The following NXN variants were observed in gnomAD, a reference collection of about 807,000 sequenced individuals.
The protein encoded by NXN is nucleoredoxin.
A neutral mutation model predicts 48.6 loss-of-function variants in NXN; 16 were observed. The observed-to-expected ratio is 0.33, with a 90% CI of 0.22 to 0.50. The LOEUF (loss-of-function observed/expected upper bound fraction) is 0.50. NXN is among the 20% of genes least tolerant of loss of function. The probability of loss-of-function intolerance (pLI) is 0.98; values close to 1 mark genes in which losing one functional copy is unlikely to be tolerated. For synonymous variants in NXN, 281 were observed against 269.6 expected (o/e 1.04, Z -0.41); for missense variants, 492 against 605.5 (o/e 0.81, Z 1.97).
rs16955987 is a variant in NXN at position 830,590 on chromosome 17, C to G, written c.361-4512G>C. On this transcript the variant is annotated intron_variant, in intron 1 of 7. Transcript: ENST00000336868. This position sits in a 1 kb window ranked among gnomAD's most constrained non-coding sequence, Gnocchi z 4.2. ...GAGTAGATGAGAGAACCAGGGGCGG[C>G]GGCTGTGATGAGGTCAGAGATCATC... Among the ~76,000 whole-genome samples the G allele has an allele frequency of 1.3e-5, 2 of 152,018 alleles. No homozygotes were observed. Among genetic ancestry groups the G allele is most frequent in the Admixed American group, 1.3e-4 (2 of 15,264 alleles).
At chr17:805,022 C>CCCCCCCCCCCCCCCCCCA in intron 6 of NXN, 46 bp downstream of exon 6, 1 of 1,520,232 alleles carries the variant, frequency 6.6e-7, no homozygotes, top group Non-Finnish European at 8.9e-7. Context: ...CCCTCCTGTC[C>CCCCCCCCCCCCCCCCCCA]CGCCCCCCAG....
chr17:850,724 A>G (rs2067914937), intron 1 of NXN, among the ~76,000 whole-genome samples: 1 of 152,202 alleles, frequency 6.6e-6, no homozygotes, highest in South Asian at 2.1e-4. Flanking sequence ...CGTCCCTTAG[A>G]GCACACTCCC....
intron 5 of NXN, among the ~76,000 whole-genome samples, chr17:814,455 T>C (rs961603486): frequency 1.3e-5 from 2 of 152,052 alleles, no homozygotes; most frequent in East Asian, 3.9e-4. Context: ...AATGCCTCTA[T>C]GTGGAAAGGC....
chr17:869,310 C>CA (rs2144802043), intron 1 of NXN, among the ~76,000 whole-genome samples: 1 of 152,256 alleles, frequency 6.6e-6, no homozygotes, highest in South Asian at 2.1e-4. Context: ...CTGCTGACAC[C>CA]AACCCAAGAG....
At chr17:977,677 ATT>A (rs2069477800) in intron 1 of NXN, among the ~76,000 whole-genome samples, 1 of 152,256 alleles carries the variant, frequency 6.6e-6, no homozygotes, top group Admixed American at 6.5e-5. Flanking sequence ...TAAGGACATT[ATT>A]TTAAGTAGAC....
At chr17:806,758 A>G (rs1567808652) in intron 5 of NXN, among the ~76,000 whole-genome samples, 1 of 151,984 alleles carries the variant, frequency 6.6e-6, no homozygotes, top group Admixed American at 6.6e-5. Context: ...CGTGTTTCGT[A>G]CCCTGCTGCG....
At position 863,997 on chromosome 17, in the gene NXN, G is replaced by A. The variant is rs1365602011; in HGVS notation, c.361-37919C>T. 99 of 1,535,608 alleles carry A rather than the reference G, an allele frequency of 6.4e-5. 1 individual carries two copies. Among genetic ancestry groups the A allele is most frequent in the Non-Finnish European group, 6.1e-6 (7 of 1,146,910 alleles). On this transcript the variant is annotated intron_variant, in intron 1 of 7. Transcript: ENST00000336868. ...ACACGTTAACCATTGCTCAGTTTCG[G>A]TGAAAGGACACAGTTACCGTTGCTG... is the stretch of plus-strand genomic sequence containing the variant.
intron 1 of NXN, among the ~76,000 whole-genome samples, chr17:955,724 G>T (rs572213953): frequency 6.6e-6 from 1 of 151,286 alleles, no homozygotes; most frequent in African/African-American, 2.4e-5. Flanking sequence ...GTGAAACCCT[G>T]TCTCTACTAA....
intron 1 of NXN, among the ~76,000 whole-genome samples, chr17:870,842 C>T (rs79503588): frequency 0.11 from 16,807 of 151,438 alleles, 1,072 homozygotes; most frequent in African/African-American, 0.18. Flanking sequence ...TCTGGTGCTA[C>T]ATGCTTTTAT....
At chr17:855,104 C>T (rs2067971630) in intron 1 of NXN, among the ~76,000 whole-genome samples, 1 of 152,054 alleles carries the variant, frequency 6.6e-6, no homozygotes, top group African/African-American at 2.4e-5. Flanking sequence ...TAGCAAGACC[C>T]CATCTCTACA....
rs1262254742 is a variant in NXN, at chr17:822,347, C to G, written c.713+10G>C. 6.2e-7 allele frequency: 1 copy of G among 1,603,054 alleles called. No homozygotes were observed. ...AGAAAAGGGGCCCAGCACTTCACGG[C>G]ACGACTGACCTGTCTGCACTAACGA... On this transcript the variant is annotated intron_variant, in intron 4 of 7. Transcript: ENST00000336868.
At chr17:968,436 G>C (rs1291795203) in intron 1 of NXN, among the ~76,000 whole-genome samples, 4 of 152,182 alleles carry the variant, frequency 2.6e-5, no homozygotes, top group Non-Finnish European at 4.4e-5. Flanking sequence ...AGCCCGGCGT[G>C]GTGGTGCACA....
intron 1 of NXN, among the ~76,000 whole-genome samples, chr17:938,168 G>A (rs1159226171): frequency 1.3e-5 from 2 of 152,256 alleles, no homozygotes; most frequent in Non-Finnish European, 2.9e-5. Context: ...TATTCGGAGG[G>A]GTCAGGGTCA....
chr17:895,690 C>T (rs556352787), intron 1 of NXN, among the ~76,000 whole-genome samples: 16 of 150,564 alleles, frequency 1.1e-4, no homozygotes, highest in African/African-American at 2.4e-4. Context: ...TGGTGGTGGG[C>T]ACCTGTAGTC....
At chr17:953,609 A>C (rs2069136412) in intron 1 of NXN, among the ~76,000 whole-genome samples, 1 of 152,170 alleles carries the variant, frequency 6.6e-6, no homozygotes, top group Admixed American at 6.5e-5. Flanking sequence ...AGTTCAAACT[A>C]TACTCTCAAC....
chr17:952,908 G>A (rs889002089), intron 1 of NXN, among the ~76,000 whole-genome samples: 4 of 152,138 alleles, frequency 2.6e-5, no homozygotes, highest in African/African-American at 9.7e-5. Context: ...AGGAATGACG[G>A]CCAGCAGAGC....
intron 5 of NXN, among the ~76,000 whole-genome samples, chr17:813,786 A>T (rs768752723): frequency 2.5e-4 from 38 of 150,214 alleles, no homozygotes; most frequent in Admixed American, 9.4e-4. Flanking sequence ...GGTCAAATGG[A>T]GAAACTCTGT....
chr17:927,986 G>A (rs1299204696), intron 1 of NXN, among the ~76,000 whole-genome samples: 1 of 151,876 alleles, frequency 6.6e-6, no homozygotes, highest in Admixed American at 6.6e-5. Flanking sequence ...AAAGAGAGGC[G>A]AGGATAAACA....
chr17:926,138 G>C (rs2068795403), intron 1 of NXN, among the ~76,000 whole-genome samples: 1 of 152,166 alleles, frequency 6.6e-6, no homozygotes, highest in South Asian at 2.1e-4. Flanking sequence ...TCAAGACAAT[G>C]TTAGATCCGC....
Sources: gnomAD v4.1 joint callset for allele counts (sites outside exome capture counted in the v4.1 genomes callset) on GRCh38, gnomAD v4.1.1 for gene constraint, Gnocchi (gnomAD v3.1) non-coding constraint, MANE v1.5 for transcripts, NCBI Gene and HGNC (gene_info 2026-07-23, HGNC 2026-07-21) for gene names.